The following TTC27 variants were observed in gnomAD, a reference collection of about 807,000 sequenced individuals.
TTC27 encodes the protein tetratricopeptide repeat protein 27.
Under a neutral mutation model 115.9 loss-of-function variants are expected in TTC27, and 79 were observed. That is an observed-to-expected ratio of 0.68 (90% confidence interval 0.57 to 0.82). The LOEUF is 0.82. TTC27 is among the 40% of genes least tolerant of loss of function. TTC27 has a pLI of 0.00. For missense variants in TTC27, 1,054 were observed against 993.1 expected (o/e 1.06, Z -0.82); for synonymous variants, 401 against 356.0 (o/e 1.13, Z -1.42).
chr2:32,812,394 C>T (rs1572635803), intron 17 of TTC27, 110 bp from the exon 18 acceptor site: 1 of 786,544 alleles, frequency 1.3e-6, no homozygotes, highest in Non-Finnish European at 2.2e-6. Flanking sequence ...CTGTACAACA[C>T]AGATGCTGCT....
At chr2:32,652,471 G>A (rs1665160718) in intron 5 of TTC27, among the ~76,000 whole-genome samples, 1 of 152,128 alleles carries the variant, frequency 6.6e-6, no homozygotes, top group African/African-American at 2.4e-5. Context: ...TTAAAATTAA[G>A]TTCCAAACCA....
At chr2:32,744,494 G>A (rs1235969611) in intron 12 of TTC27, among the ~76,000 whole-genome samples, 2 of 152,148 alleles carry the variant, frequency 1.3e-5, no homozygotes, top group Non-Finnish European at 2.9e-5. Context: ...ATTATTTATG[G>A]AAAATATTAA....
intron 16 of TTC27, among the ~76,000 whole-genome samples, chr2:32,796,900 C>T (rs143776704): frequency 0.019 from 2,829 of 151,404 alleles, 41 homozygotes; most frequent in African/African-American, 0.035. Flanking sequence ...CGGCTGGGCA[C>T]GGTGGCTCAT....
intron 18 of TTC27, among the ~76,000 whole-genome samples, chr2:32,816,916 T>C (rs1175912084): frequency 1.3e-5 from 2 of 152,176 alleles, no homozygotes; most frequent in Non-Finnish European, 2.9e-5. Flanking sequence ...TCTGTGTGGG[T>C]ACTTTGTTTT....
At chr2:32,755,994 T>TTAA (rs1669220151) in intron 12 of TTC27, among the ~76,000 whole-genome samples, 1 of 152,244 alleles carries the variant, frequency 6.6e-6, no homozygotes, top group African/African-American at 2.4e-5. Flanking sequence ...TATCATGGAC[T>TTAA]ACCAGTGTTT....
At chr2:32,714,369 A>G (rs190219932) in intron 10 of TTC27, among the ~76,000 whole-genome samples, 3 of 152,158 alleles carry the variant, frequency 2.0e-5, no homozygotes, top group Admixed American at 2.0e-4. Context: ...CATGTTAGCC[A>G]GGATGGTCTC....
intron 15 of TTC27, among the ~76,000 whole-genome samples, chr2:32,783,200 T>C (rs1670240255): frequency 6.6e-6 from 1 of 152,172 alleles, no homozygotes; most frequent in Non-Finnish European, 1.5e-5. Flanking sequence ...TACATGATAC[T>C]TGTAGCACAC....
At chr2:32,788,891 A>G (rs78096064) in intron 16 of TTC27, among the ~76,000 whole-genome samples, 2,621 of 152,276 alleles carry the variant, frequency 0.017, 62 homozygotes, top group African/African-American at 0.06. Context: ...AGGCACATAG[A>G]GCAGGTCAAA....
chr2:32,745,683 TAATA>T (rs772666606), intron 12 of TTC27, among the ~76,000 whole-genome samples: 2 of 151,650 alleles, frequency 1.3e-5, no homozygotes, highest in South Asian at 2.1e-4. Context: ...AAAAAAATAA[TAATA>T]AATAAATATT....
rs560914353 is a variant in TTC27 at position 32,655,299 on chromosome 2, A to AT, written c.640+5072dup. 2.2e-4 allele frequency among the ~76,000 whole-genome samples: 34 copies of AT among 152,040 alleles called. No individual in the cohort carries two copies. The South Asian group carries it at 6.9e-3, about 31-fold the overall frequency. ...GCCACTGTGCCTGGCCCGCCTGGCTATTTTTTAAATTTTTCTGTAGAGAAA... is the reference window on the plus strand; with the variant it reads ...GCCACTGTGCCTGGCCCGCCTGGCTATTTTTTTAAATTTTTCTGTAGAGAAA... On this transcript the variant is annotated intron_variant, in intron 5 of 19. Transcript: ENST00000317907.
chr2:32,628,547 T>G (rs1318280429), intron 1 of TTC27, among the ~76,000 whole-genome samples, 167 bp downstream of exon 1: 2 of 152,176 alleles, frequency 1.3e-5, no homozygotes, highest in East Asian at 3.9e-4. Context: ...GGTCCTCACT[T>G]TCTTTGCGCA....
intron 10 of TTC27, among the ~76,000 whole-genome samples, chr2:32,712,619 G>A (rs1387211565): frequency 6.6e-6 from 1 of 151,756 alleles, no homozygotes; most frequent in East Asian, 1.9e-4. Flanking sequence ...GAGTGCAATG[G>A]CATGATCTCG....
chr2:32,757,830 T>C (rs1360863275), intron 12 of TTC27, among the ~76,000 whole-genome samples: 1 of 152,118 alleles, frequency 6.6e-6, no homozygotes, highest in Non-Finnish European at 1.5e-5. Flanking sequence ...CCCAAGAAGT[T>C]GGGATTACAG....
chr2:32,799,094 A>T (rs1367463246), intron 16 of TTC27, among the ~76,000 whole-genome samples: 2 of 152,196 alleles, frequency 1.3e-5, no homozygotes, highest in African/African-American at 4.8e-5. Context: ...AAATGGATGA[A>T]CCTGGAGGAG....
chr2:32,663,118 G>A lies in TTC27; in HGVS notation c.641-1185G>A, dbSNP rs1572489293. Among the ~76,000 whole-genome samples, 3 of 152,268 alleles carry A rather than the reference G, an allele frequency of 2.0e-5. 1 individual carries two copies. The highest frequency in any genetic ancestry group is 2.0e-4 in the Admixed American group (3 of 15,286). ...GGATCATAGCTTGCTGGGCTTCATG[G>A]GGGTGGGATCAGCTGAGCTAGACCA... On this transcript the variant is annotated intron_variant, in intron 5 of 19. Coordinates refer to ENST00000317907, the MANE Select transcript of TTC27 (RefSeq NM_017735.5).
intron 10 of TTC27, among the ~76,000 whole-genome samples, chr2:32,709,177 C>G (rs1362456542): frequency 6.6e-6 from 1 of 152,134 alleles, no homozygotes; most frequent in African/African-American, 2.4e-5. Flanking sequence ...CAGTAGAATT[C>G]TAAATAATTT....
chr2:32,797,424 C>T (rs1473679627), intron 16 of TTC27, among the ~76,000 whole-genome samples: 2 of 152,062 alleles, frequency 1.3e-5, no homozygotes, highest in Non-Finnish European at 2.9e-5. Flanking sequence ...GCAGCCTGCC[C>T]GCCTCTGCTT....
intron 14 of TTC27, among the ~76,000 whole-genome samples, chr2:32,781,520 A>G (rs1326626788): frequency 6.6e-6 from 1 of 152,038 alleles, no homozygotes; most frequent in Non-Finnish European, 1.5e-5. Context: ...ATTGAGTTTT[A>G]TTCTGGCATT....
chr2:32,713,619 G>C (rs1667655856), intron 10 of TTC27, among the ~76,000 whole-genome samples: 1 of 152,150 alleles, frequency 6.6e-6, no homozygotes, highest in African/African-American at 2.4e-5. Context: ...GGATTTCCAG[G>C]AGGACATTGC....
Sources: gnomAD v4.1 joint callset for allele counts (sites outside exome capture counted in the v4.1 genomes callset) on GRCh38, gnomAD v4.1.1 for gene constraint, MANE v1.5 for transcripts, NCBI Gene and HGNC (gene_info 2026-07-23, HGNC 2026-07-21) for gene names.